The following LIN7A variants were observed in gnomAD, a reference collection of about 807,000 sequenced individuals.
LIN7A encodes protein lin-7 homolog A.
A neutral mutation model predicts 29.8 loss-of-function variants in LIN7A; 25 were observed. That is an observed-to-expected ratio of 0.84 (90% CI 0.61 to 1.17). LIN7A has a LOEUF of 1.17. Among genes scored for constraint, LIN7A ranks in the 50% most tolerant of loss-of-function variants. The pLI is 0.00. For synonymous variants in LIN7A, 118 were observed against 107.5 expected (o/e 1.10, Z -0.60); for missense variants, 239 against 287.0 (o/e 0.83, Z 1.21).
chr12:80,840,374 A>G (rs1426541162), intron 4 of LIN7A, among the ~76,000 whole-genome samples: 1 of 152,190 alleles, frequency 6.6e-6, no homozygotes, highest in Non-Finnish European at 1.5e-5. Context: ...GATTGCAGTA[A>G]AGGTTGAAAT....
intron 5 of LIN7A, 87 bp downstream of exon 5, chr12:80,811,378 A>G (rs926648086): frequency 9.0e-6 from 4 of 446,214 alleles, no homozygotes; most frequent in Non-Finnish European, 1.6e-5. Context: ...CATATCTAAA[A>G]TATATTTTAA....
chr12:80,802,736 G>T (rs1191593432), intron 5 of LIN7A, among the ~76,000 whole-genome samples: 1 of 151,504 alleles, frequency 6.6e-6, no homozygotes, highest in African/African-American at 2.4e-5. Context: ...CTGGACTCAG[G>T]CAATCCTCCT....
intron 4 of LIN7A, among the ~76,000 whole-genome samples, chr12:80,835,589 T>C (rs909929939): frequency 6.6e-6 from 1 of 152,172 alleles, no homozygotes; most frequent in Non-Finnish European, 1.5e-5. Flanking sequence ...AAAAGACTAT[T>C]ATCTGATTTA....
Position 80,845,769 on chromosome 12 carries a change from G to A in LIN7A, c.444C>T (p.Gly148=). 6.2e-7 allele frequency: 1 copy of A among 1,613,644 alleles called. No individual in the cohort carries two copies. ...IPGGVAERHG[G]LKRGDQLLSV... ...ATAGCAGCTGGTCTCCTCTTTTGAG[G>A]CCTCCGTGTCTTTCAGCCACCCCTC... Residue 148 remains glycine (G), a synonymous_variant, in exon 4 of 6, where the codon GGC becomes GGT. Coordinates refer to ENST00000552864, the MANE Select transcript of LIN7A (RefSeq NM_004664.4).
chr12:80,800,816 G>A (rs114934302), intron 5 of LIN7A, among the ~76,000 whole-genome samples: 2,100 of 151,762 alleles, frequency 0.014, 36 homozygotes, highest in African/African-American at 0.044. Context: ...ACCAACTACA[G>A]ACCAATATCT....
chr12:80,908,391 C>G (rs1876590883), intron 1 of LIN7A, among the ~76,000 whole-genome samples: 1 of 151,692 alleles, frequency 6.6e-6, no homozygotes, highest in Admixed American at 6.6e-5. Flanking sequence ...AAATTTGATC[C>G]AGGGGAAAGA....
intron 1 of LIN7A, among the ~76,000 whole-genome samples, chr12:80,914,233 CAG>C (rs1378206000): frequency 2.0e-5 from 3 of 152,154 alleles, no homozygotes; most frequent in Non-Finnish European, 4.4e-5. Flanking sequence ...GTTCCGTGAA[CAG>C]AGTTTCGTCG....
intron 1 of LIN7A, among the ~76,000 whole-genome samples, chr12:80,914,391 C>G (rs755100010): frequency 2.0e-5 from 3 of 152,158 alleles, no homozygotes; most frequent in Non-Finnish European, 4.4e-5. Context: ...CAAGGACCAT[C>G]CAATAAACTC....
intron 2 of LIN7A, among the ~76,000 whole-genome samples, chr12:80,883,574 C>T (rs1318961167): frequency 6.6e-6 from 1 of 152,130 alleles, no homozygotes; most frequent in Non-Finnish European, 1.5e-5. Flanking sequence ...CCTATCAAAA[C>T]ACCATACTTA....
Position 80,899,228 on chromosome 12 carries a change from T to C in LIN7A, c.83-9859A>G, listed in dbSNP as rs150408497. Among the ~76,000 whole-genome samples the C allele has an allele frequency of 3.0e-3, 455 of 152,330 alleles. 2 individuals are homozygous for C. The highest frequency in any genetic ancestry group is 0.01 in the African/African-American group (419 of 41,576). On this transcript the variant is annotated intron_variant, in intron 1 of 5. Coordinates refer to ENST00000552864, the MANE Select transcript of LIN7A (RefSeq NM_004664.4). ...TTATCAAAAGCCTTCTCTACATCTATTGACATGATCATATGGGTTTTGTTT... is the reference window on the plus strand; with the variant it reads ...TTATCAAAAGCCTTCTCTACATCTACTGACATGATCATATGGGTTTTGTTT...
rs553719073 is a variant in LIN7A, at chr12:80,879,719, C to T, written c.201+9532G>A. Among the ~76,000 whole-genome samples the T allele has an allele frequency of 2.3e-4, 32 of 140,982 alleles. No homozygotes were observed. The South Asian group carries it at 2.3e-3, about 10-fold the overall frequency. 92.5% of individuals were successfully genotyped at this position (140,982 alleles called of 152,430 possible). A position where few individuals can be genotyped will look rare whatever the true frequency, so the allele number is the denominator to read the frequency against. ...TGAGCCTTCCTTTATAGGAAAATAT[C>T]GGTGTTATTTTTAGTATCCAAACAA... On this transcript the variant is annotated intron_variant, in intron 2 of 5. Coordinates refer to ENST00000552864, the MANE Select transcript of LIN7A (RefSeq NM_004664.4).
chr12:80,908,726 TTC>T (rs1193152073), intron 1 of LIN7A, among the ~76,000 whole-genome samples: 1 of 152,112 alleles, frequency 6.6e-6, no homozygotes, highest in East Asian at 1.9e-4. Context: ...TTTGCTTTTT[TTC>T]TCTAAATACT....
intron 4 of LIN7A, among the ~76,000 whole-genome samples, chr12:80,825,169 T>A (rs1006554599): frequency 6.6e-6 from 1 of 152,184 alleles, no homozygotes; most frequent in Non-Finnish European, 1.5e-5. Flanking sequence ...GAAGGGGTTT[T>A]ATCAGAGAAT....
Position 80,826,576 on chromosome 12 carries a change from G to A in LIN7A, c.484-14893C>T, listed in dbSNP as rs1592867000. On this transcript the variant is annotated intron_variant, in intron 4 of 5. Coordinates refer to ENST00000552864, the MANE Select transcript of LIN7A (RefSeq NM_004664.4). ...CTTTCTCTGTGGCTCAGCCTAGAGT[G>A]CGGTGGCATGGTCTTGGCTCACTGC... Among the ~76,000 whole-genome samples the A allele has an allele frequency of 2.0e-5, 3 of 152,118 alleles. No individual in the cohort carries two copies. In the South Asian group the frequency reaches 6.3e-4, roughly 32 times the overall value.
chr12:80,810,436 T>A (rs949338814), intron 5 of LIN7A, among the ~76,000 whole-genome samples: 1 of 136,562 alleles, frequency 7.3e-6, no homozygotes, highest in Non-Finnish European at 1.6e-5. Context: ...TGTGTGTGTG[T>A]GTAGGTAGAT....
intron 2 of LIN7A, among the ~76,000 whole-genome samples, chr12:80,881,773 A>G (rs1875054370): frequency 6.6e-6 from 1 of 152,140 alleles, no homozygotes; most frequent in African/African-American, 2.4e-5. Flanking sequence ...TGCTGTTGTT[A>G]TATAGGAAGT....
chr12:80,826,147 A>G (rs1375498372), intron 4 of LIN7A, among the ~76,000 whole-genome samples: 1 of 152,250 alleles, frequency 6.6e-6, no homozygotes, highest in African/African-American at 2.4e-5. Flanking sequence ...TTTATTGTCC[A>G]ATATCTCTGT....
At chr12:80,805,653 A>G (rs567250663) in intron 5 of LIN7A, among the ~76,000 whole-genome samples, 1 of 152,050 alleles carries the variant, frequency 6.6e-6, no homozygotes, top group African/African-American at 2.4e-5. Context: ...ATGGAGTCAC[A>G]ATAAAAAACT....
chr12:80,932,677 A>G (rs890307461), intron 1 of LIN7A, among the ~76,000 whole-genome samples: 1 of 152,234 alleles, frequency 6.6e-6, no homozygotes, highest in African/African-American at 2.4e-5. Context: ...AAGGGAACAG[A>G]GTAAGCAAAA....
Sources: allele counts gnomAD v4.1 joint callset (sites outside exome capture counted in the v4.1 genomes callset), GRCh38; gene constraint gnomAD v4.1.1; transcripts MANE v1.5; gene names NCBI Gene and HGNC (gene_info 2026-07-23, HGNC 2026-07-21).